RNF168: variants seen among roughly 807,000 people sequenced by gnomAD.
RNF168 encodes E3 ubiquitin-protein ligase RNF168.
RNF168 carries 34 observed loss-of-function variants against 34.9 expected under a neutral mutation model. That is an observed-to-expected ratio of 0.97 (90% CI 0.74 to 1.30). RNF168 has a LOEUF of 1.30. RNF168 is among the 50% of genes most tolerant of loss of function. The pLI is 0.00. For missense variants in RNF168, 725 were observed against 682.5 expected, an observed-to-expected ratio of 1.06 and a Z score of -0.69; for synonymous variants, 264 against 254.7, an observed-to-expected ratio of 1.04 and a Z score of -0.35.
chr3:196,503,579 G>T lies in RNF168; in HGVS notation c.-406C>A. 1 of 234,252 alleles carries T rather than the reference G, an allele frequency of 4.3e-6. No homozygotes were observed. The highest frequency in any genetic ancestry group is 4.6e-5 in the South Asian group (1 of 21,610). 14.5% of individuals were successfully genotyped at this position (234,252 alleles called of 1,614,324 possible). A position where few individuals can be genotyped will look rare whatever the true frequency, so the allele number is the denominator to read the frequency against. ...TCGGGGCAGCCGGGCCCCGGGACGC[G>T]GCTCCGGGAGGAAGCCCGGGCTCCG... is the stretch of plus-strand genomic sequence containing the variant. On this transcript the variant is annotated 5_prime_UTR_variant, in exon 1 of 6. Coordinates refer to ENST00000318037, the MANE Select transcript of RNF168 (RefSeq NM_152617.4).
In RNF168 at chr3:196,470,882, A is replaced by G. The variant is rs1347113305; in HGVS notation, c.*937T>C. 1 of 152,350 alleles carries G rather than the reference A, an allele frequency of 6.6e-6. No homozygotes were observed. Among genetic ancestry groups the G allele is most frequent in the African/African-American group, 2.4e-5 (1 of 41,440 alleles). The allele number at this position is 152,350 out of a possible 1,614,324, so 9.4% of individuals were successfully genotyped here. A position where few individuals can be genotyped will look rare whatever the true frequency, so the allele number is the denominator to read the frequency against. On this transcript the variant is annotated 3_prime_UTR_variant, in exon 6 of 6. Transcript: ENST00000318037. ...TTAACACTGATTCGAATCCACTTTAAACCAAAGGAAACAGGCCGGGCGTGG... is the reference window on the plus strand; with the variant it reads ...TTAACACTGATTCGAATCCACTTTAGACCAAAGGAAACAGGCCGGGCGTGG...
chr3:196,489,445 G>A (rs1732539361), intron 1 of RNF168, among the ~76,000 whole-genome samples: 1 of 151,772 alleles, frequency 6.6e-6, no homozygotes, highest in African/African-American at 2.4e-5. Context: ...TTGTGCCTCA[G>A]TGTCCTGAGT....
chr3:196,478,701 C>CT (rs1732211598), intron 4 of RNF168, among the ~76,000 whole-genome samples: 1 of 151,984 alleles, frequency 6.6e-6, no homozygotes. Flanking sequence ...GAGTCTCACT[C>CT]TATCGCCCAG....
chr3:196,485,216 A>G (rs1732393687), intron 3 of RNF168, among the ~76,000 whole-genome samples: 1 of 152,152 alleles, frequency 6.6e-6, no homozygotes, highest in Admixed American at 6.5e-5. Context: ...ATAAATAGAA[A>G]ATTATTCTAG....
At chr3:196,493,833 ATTTC>A (rs989634710) in intron 1 of RNF168, among the ~76,000 whole-genome samples, 3 of 146,988 alleles carry the variant, frequency 2.0e-5, no homozygotes, top group African/African-American at 7.6e-5. Flanking sequence ...TCCATTTGCT[ATTTC>A]TTTCTTTTTT....
In RNF168 at chr3:196,502,998, G is replaced by A; in HGVS notation, c.176C>T (p.Ser59Leu). Residue 59 changes from serine to leucine, a missense_variant, in exon 1 of 6, where the codon TCG becomes TTG. Physicochemically the swap from Ser to Leu is moderately radical, Grantham distance 145 (BLOSUM62 -2). Transcript: ENST00000318037. ...TCGGGTATGGTACCGAGTCCACGAC[G>A]ATACCCGGCGGCGACAGAAGGGACA... ...LCCPFCRRRVSSWTRYHTRRN... is the reference protein window; with the variant it reads ...LCCPFCRRRVLSWTRYHTRRN... 6.2e-7 allele frequency: 1 copy of A among 1,614,082 alleles called. No individual in the cohort carries two copies. Among genetic ancestry groups the A allele is most frequent in the Admixed American group, 1.7e-5 (1 of 60,020 alleles).
intron 4 of RNF168, 116 bp from the exon 5 acceptor site, chr3:196,475,428 G>T: frequency 1.4e-6 from 1 of 711,062 alleles, no homozygotes; most frequent in Non-Finnish European, 2.6e-6. Flanking sequence ...TGTTTTATCA[G>T]AGTGTATCTC....
intron 1 of RNF168, among the ~76,000 whole-genome samples, chr3:196,499,178 AAAAG>A (rs1447690438): frequency 6.6e-6 from 1 of 152,120 alleles, no homozygotes; most frequent in African/African-American, 2.4e-5. Flanking sequence ...TGGTAAAAAA[AAAAG>A]AGAGAGACAC....
chr3:196,481,402 G>A (rs530406330), intron 4 of RNF168, among the ~76,000 whole-genome samples: 90 of 151,482 alleles, frequency 5.9e-4, no homozygotes, highest in Non-Finnish European at 9.7e-4. Context: ...GCACCACTGC[G>A]CTCTAGCCTG....
chr3:196,492,688 G>GA (rs529043798), intron 1 of RNF168, among the ~76,000 whole-genome samples: 5 of 152,108 alleles, frequency 3.3e-5, no homozygotes, highest in Non-Finnish European at 7.3e-5. Context: ...TGAGACAGGA[G>GA]AATCGCTTGA....
intron 1 of RNF168, among the ~76,000 whole-genome samples, chr3:196,489,894 G>A (rs946272474): frequency 5.9e-5 from 9 of 152,188 alleles, no homozygotes; most frequent in African/African-American, 2.2e-4. Flanking sequence ...GGATATGGGT[G>A]CAGGTGCACA....
chr3:196,480,173 T>C (rs1239531452), intron 4 of RNF168, among the ~76,000 whole-genome samples: 1 of 152,202 alleles, frequency 6.6e-6, no homozygotes, highest in Non-Finnish European at 1.5e-5. Context: ...TTTTTTACCC[T>C]GTCTTATGGT....
rs1732147026 is a variant in RNF168 at position 196,476,224 on chromosome 3, CTA to C, written c.681-914_681-913del. On this transcript the variant is annotated intron_variant, in intron 4 of 5. Transcript: ENST00000318037. ...GATAGCATCAAAACAATGCAAGACTCTATAGTCTTCCCAAAAGTAATGAAAAT... is the reference window on the plus strand; with the variant it reads ...GATAGCATCAAAACAATGCAAGACTCTAGTCTTCCCAAAAGTAATGAAAAT... Among the ~76,000 whole-genome samples, 4 of 152,082 alleles carry C rather than the reference CTA, an allele frequency of 2.6e-5. No individual in the cohort carries two copies. The South Asian group carries it at 8.3e-4, about 31-fold the overall frequency.
At chr3:196,490,963 T>C (rs1338710831) in intron 1 of RNF168, among the ~76,000 whole-genome samples, 1 of 152,228 alleles carries the variant, frequency 6.6e-6, no homozygotes, top group Non-Finnish European at 1.5e-5. Flanking sequence ...TACGAAACCC[T>C]GGAGGTATCT....
intron 4 of RNF168, among the ~76,000 whole-genome samples, chr3:196,481,696 T>G (rs1732294762): frequency 2.1e-5 from 3 of 144,944 alleles, no homozygotes; most frequent in South Asian, 2.3e-4. Flanking sequence ...TTTTTTTTTT[T>G]TTTTTTTTTT....
At chr3:196,490,574 C>T (rs1440870250) in intron 1 of RNF168, among the ~76,000 whole-genome samples, 2 of 151,708 alleles carry the variant, frequency 1.3e-5, no homozygotes, top group Non-Finnish European at 2.9e-5. Flanking sequence ...AACAAAATTA[C>T]CCTTGCACCC....
At position 196,475,330 on chromosome 3, in the gene RNF168, CA is replaced by C. The variant is rs763092281; in HGVS notation, c.681-19del. The C allele has an allele frequency of 6.8e-7, 1 of 1,469,492 alleles. No individual in the cohort carries two copies. Among genetic ancestry groups the C allele is most frequent in the South Asian group, 1.1e-5 (1 of 88,048 alleles). 91.0% of individuals were successfully genotyped at this position (1,469,492 alleles called of 1,614,324 possible). ...TCAAATACCTAAAAGAAAAGTTTACCAAAGTTTCAATGCTTTCAAAGACAGA... is the reference window on the plus strand; with the variant it reads ...TCAAATACCTAAAAGAAAAGTTTACCAAGTTTCAATGCTTTCAAAGACAGA... On this transcript the variant is annotated intron_variant, in intron 4 of 5. Coordinates refer to ENST00000318037, the MANE Select transcript of RNF168 (RefSeq NM_152617.4).
At chr3:196,478,344 T>C (rs1241495527) in intron 4 of RNF168, among the ~76,000 whole-genome samples, 1 of 152,234 alleles carries the variant, frequency 6.6e-6, no homozygotes, top group African/African-American at 2.4e-5. Flanking sequence ...GTCACCAAGC[T>C]TTGGCCAAAG....
Position 196,498,150 on chromosome 3 carries a change from T to A in RNF168, c.301+4723A>T, listed in dbSNP as rs148968931. ...ATGACACAACCACTTTCGAAAAAGA[T>A]CTGGTAGTTTCTTCTTTCTTTTTTT... On this transcript the variant is annotated intron_variant, in intron 1 of 5. Coordinates refer to ENST00000318037, the MANE Select transcript of RNF168 (RefSeq NM_152617.4). Among the ~76,000 whole-genome samples, 143 of 152,168 alleles carry A rather than the reference T, an allele frequency of 9.4e-4. 2 individuals are homozygous for A. Among genetic ancestry groups the A allele is most frequent in the African/African-American group, 3.0e-3 (123 of 41,526 alleles).
Sources: allele counts gnomAD v4.1 joint callset (sites outside exome capture counted in the v4.1 genomes callset), GRCh38; gene constraint gnomAD v4.1.1; transcripts MANE v1.5; gene names NCBI Gene and HGNC (gene_info 2026-07-23, HGNC 2026-07-21).